The following SCMH1 variants were observed in gnomAD, a reference collection of about 807,000 sequenced individuals.
The protein encoded by SCMH1 is Scm polycomb group protein homolog 1.
Under a neutral mutation model 70.8 loss-of-function variants are expected in SCMH1, and 37 were observed. The observed-to-expected ratio is 0.52, with a 90% CI of 0.40 to 0.69. SCMH1 has a LOEUF of 0.69. Among genes scored for constraint, SCMH1 ranks in the 30% least tolerant of loss-of-function variants. The probability of loss-of-function intolerance (pLI) is 0.00; values close to 1 mark genes in which losing one functional copy is unlikely to be tolerated. For missense variants in SCMH1, 607 were observed against 827.3 expected (o/e 0.73, Z 3.27); for synonymous variants, 292 against 307.4 (o/e 0.95, Z 0.52).
intron 8 of SCMH1, among the ~76,000 whole-genome samples, chr1:41,078,048 C>A (rs897897784): frequency 2.0e-5 from 3 of 151,704 alleles, no homozygotes; most frequent in Admixed American, 6.6e-5. Flanking sequence ...AGATAGTACC[C>A]ACAGAAATAT....
chr1:41,112,243 C>A (rs945049771), intron 8 of SCMH1, among the ~76,000 whole-genome samples: 1 of 152,144 alleles, frequency 6.6e-6, no homozygotes, highest in African/African-American at 2.4e-5. Flanking sequence ...GTACTCTCAG[C>A]TTGGCTTACA....
At chr1:41,179,822 C>A (rs570399753) in intron 2 of SCMH1, among the ~76,000 whole-genome samples, 1 of 152,242 alleles carries the variant, frequency 6.6e-6, no homozygotes, top group South Asian at 2.1e-4. Flanking sequence ...TGAAACTATT[C>A]CAATCAACAG....
intron 2 of SCMH1, chr1:41,163,139 T>C (rs925771831): frequency 1.3e-5 from 2 of 152,228 alleles, no homozygotes; most frequent in Non-Finnish European, 2.9e-5. Context: ...TCCAAGCTTT[T>C]GGGGACTACT....
intron 1 of SCMH1, among the ~76,000 whole-genome samples, chr1:41,204,407 C>T (rs143323068): frequency 4.7e-4 from 71 of 152,188 alleles, no homozygotes; most frequent in Non-Finnish European, 5.3e-4. Flanking sequence ...CCCCATAGCA[C>T]TTCAAATCAA....
intron 6 of SCMH1, among the ~76,000 whole-genome samples, chr1:41,132,340 T>A (rs1227362582): frequency 6.6e-6 from 1 of 152,210 alleles, no homozygotes; most frequent in African/African-American, 2.4e-5. Context: ...GCTGCATAAA[T>A]GTCTTCTTTT....
intron 7 of SCMH1, among the ~76,000 whole-genome samples, chr1:41,115,373 T>G (rs1367007703): frequency 6.6e-6 from 1 of 152,250 alleles, no homozygotes; most frequent in African/African-American, 2.4e-5. Flanking sequence ...TGTACATTTA[T>G]GACTGTTTTA....
chr1:41,053,686 C>G (rs1287284026), intron 10 of SCMH1, among the ~76,000 whole-genome samples: 1 of 152,154 alleles, frequency 6.6e-6, no homozygotes, highest in Non-Finnish European at 1.5e-5. Flanking sequence ...ATTCTGATAC[C>G]AGAAATAGGG....
intron 1 of SCMH1, among the ~76,000 whole-genome samples, chr1:41,219,313 T>A (rs1386437070): frequency 6.6e-6 from 1 of 152,206 alleles, no homozygotes; most frequent in Non-Finnish European, 1.5e-5. Flanking sequence ...AGAACAGCAC[T>A]TTCCTAAGTT....
At chr1:41,195,365 C>A (rs899050726) in intron 1 of SCMH1, among the ~76,000 whole-genome samples, 2 of 151,622 alleles carry the variant, frequency 1.3e-5, no homozygotes, top group African/African-American at 4.9e-5. Context: ...TAAGAGCACA[C>A]ACAATTACCA....
chr1:41,171,614 A>G (rs1373864196), intron 2 of SCMH1, among the ~76,000 whole-genome samples: 1 of 152,158 alleles, frequency 6.6e-6, no homozygotes, highest in African/African-American at 2.4e-5. Flanking sequence ...CATTATTTTC[A>G]TAAGCACATG....
intron 10 of SCMH1, among the ~76,000 whole-genome samples, chr1:41,057,251 G>T (rs369221236): frequency 1.3e-4 from 19 of 151,934 alleles, no homozygotes; most frequent in Non-Finnish European, 1.9e-4. Context: ...TGTTTTTTTT[G>T]TTGTTGTTTT....
At chr1:41,087,937 G>GGTCTGTGTGTGTGTGT (rs1662206130) in intron 8 of SCMH1, among the ~76,000 whole-genome samples, 1 of 139,844 alleles carries the variant, frequency 7.2e-6, no homozygotes, top group Non-Finnish European at 1.5e-5. Flanking sequence ...TATAGTTTCT[G>GGTCTGTGTGTGTGTGT]GTGTGTGTGT....
At chr1:41,177,199 C>T (rs145117062) in intron 2 of SCMH1, among the ~76,000 whole-genome samples, 1,956 of 152,280 alleles carry the variant, frequency 0.013, 41 homozygotes, top group African/African-American at 0.045. Context: ...AGAAGGAAAA[C>T]TAACAAACAG....
chr1:41,137,908 T>C (rs747529850), intron 6 of SCMH1, among the ~76,000 whole-genome samples: 24 of 152,264 alleles, frequency 1.6e-4, no homozygotes, highest in African/African-American at 4.6e-4. Flanking sequence ...TCCTCTGTTA[T>C]AGTTAACAAT....
exon 6 of SCMH1, chr1:41,143,008 T>C: frequency 2.5e-6 from 4 of 1,614,190 alleles, no homozygotes; most frequent in Non-Finnish European, 2.5e-6. Context: ...GGCGGGCACC[T>C]GTCAGTCCAA....
intron 10 of SCMH1, among the ~76,000 whole-genome samples, chr1:41,053,644 G>A (rs1401763574): frequency 1.3e-5 from 2 of 152,180 alleles, no homozygotes; most frequent in Non-Finnish European, 2.9e-5. Context: ...ATTTTGTGGT[G>A]GTTGTTACAT....
intron 8 of SCMH1, among the ~76,000 whole-genome samples, chr1:41,094,090 G>A (rs1209519564): frequency 6.6e-6 from 1 of 152,128 alleles, no homozygotes; most frequent in South Asian, 2.1e-4. Flanking sequence ...ACATCAGTAC[G>A]CACCAGAATT....
At chr1:41,116,026 T>G (rs1367687805) in intron 7 of SCMH1, among the ~76,000 whole-genome samples, 1 of 152,218 alleles carries the variant, frequency 6.6e-6, no homozygotes, top group Non-Finnish European at 1.5e-5. Context: ...TTAATTTGAA[T>G]TTCCAAAGTT....
intron 6 of SCMH1, among the ~76,000 whole-genome samples, chr1:41,139,205 A>T (rs535894013): frequency 2.6e-5 from 4 of 152,128 alleles, no homozygotes; most frequent in African/African-American, 4.8e-5. Flanking sequence ...TCTAATCCAC[A>T]AGATCTTAGC....
Sources: allele counts gnomAD v4.1 joint callset (sites outside exome capture counted in the v4.1 genomes callset), GRCh38; gene constraint gnomAD v4.1.1; transcripts MANE v1.5; gene names NCBI Gene and HGNC (gene_info 2026-07-23, HGNC 2026-07-21).